Variants in AJAP1 observed in about 807,000 individuals in gnomAD.
AJAP1 encodes the protein adherens junction-associated protein 1.
AJAP1 carries 5 observed loss-of-function variants against 35.0 expected under a neutral mutation model. The observed-to-expected ratio is 0.14, with a 90% CI of 0.07 to 0.30. The LOEUF (loss-of-function observed/expected upper bound fraction) is 0.30, where lower values mean the gene tolerates loss of function less well. Ranked by LOEUF, AJAP1 falls within the 10% of genes least tolerant of loss-of-function variation. The pLI, the probability that AJAP1 is intolerant of heterozygous loss-of-function variation, is 1.00. For synonymous variants in AJAP1, 284 were observed against 249.3 expected, an observed-to-expected ratio of 1.14 and a Z score of -1.31; for missense variants, 586 against 571.0, an observed-to-expected ratio of 1.03 and a Z score of -0.27.
intron 2 of AJAP1, among the ~76,000 whole-genome samples, chr1:4,724,192 G>A (rs546248793): frequency 7.7e-4 from 117 of 152,296 alleles, no homozygotes; most frequent in African/African-American, 2.4e-3. Context: ...GGGCACCTGC[G>A]AATGCCAGGC....
intron 1 of AJAP1, among the ~76,000 whole-genome samples, chr1:4,704,102 C>G (rs1315196695): frequency 6.6e-6 from 1 of 151,960 alleles, no homozygotes; most frequent in Non-Finnish European, 1.5e-5. Context: ...ATAATTACCC[C>G]CTTACACTAG....
chr1:4,716,767 T>C (rs1640401850), intron 2 of AJAP1, among the ~76,000 whole-genome samples: 1 of 152,074 alleles, frequency 6.6e-6, no homozygotes, highest in African/African-American at 2.4e-5. Flanking sequence ...GTGATGATAG[T>C]GATGATGATG....
In AJAP1 at chr1:4,656,158, G is replaced by C. The variant is rs1638876753; in HGVS notation, c.29+704G>C. ...GCGCGCCCGGGGCTTGTCTGTGTCT[G>C]GGACTCCAGGGCCAGATGGAAGAGG... On this transcript the variant is annotated intron_variant, in intron 1 of 5. Transcript: ENST00000378191. This position sits in a 1 kb window ranked among gnomAD's most constrained non-coding sequence, Gnocchi z 5.7. Among the ~76,000 whole-genome samples the C allele has an allele frequency of 1.3e-5, 2 of 152,278 alleles. No individual in the cohort carries two copies. The highest frequency in any genetic ancestry group is 4.8e-5 in the African/African-American group (2 of 41,576).
intron 1 of AJAP1, among the ~76,000 whole-genome samples, chr1:4,659,331 T>G (rs995854894): frequency 1.3e-5 from 2 of 152,158 alleles, no homozygotes; most frequent in Non-Finnish European, 2.9e-5. Flanking sequence ...TTGAGAGGGT[T>G]TCTCCTGCCT....
At chr1:4,722,461 TC>T (rs1348867619) in intron 2 of AJAP1, among the ~76,000 whole-genome samples, 4 of 152,250 alleles carry the variant, frequency 2.6e-5, no homozygotes, top group Non-Finnish European at 5.9e-5. Flanking sequence ...AGCCTCGTCC[TC>T]TATGTTCACA....
chr1:4,737,379 C>T (rs564790237), intron 2 of AJAP1, among the ~76,000 whole-genome samples: 240 of 152,228 alleles, frequency 1.6e-3, no homozygotes, highest in Non-Finnish European at 2.9e-3. Context: ...ACTGATTACC[C>T]GGCAAGGATG....
chr1:4,687,851 G>A (rs919948688), intron 1 of AJAP1, among the ~76,000 whole-genome samples: 2 of 152,210 alleles, frequency 1.3e-5, no homozygotes, highest in African/African-American at 4.8e-5. Flanking sequence ...TCATCCGCCA[G>A]GCCTCTGTGT....
At chr1:4,670,212 C>T (rs560217212) in intron 1 of AJAP1, among the ~76,000 whole-genome samples, 132 of 152,248 alleles carry the variant, frequency 8.7e-4, no homozygotes, top group African/African-American at 2.9e-3. Context: ...TTGTTCACAG[C>T]GCTGGGCCTG....
chr1:4,767,839 G>A (rs915569467), intron 2 of AJAP1, among the ~76,000 whole-genome samples: 1 of 152,212 alleles, frequency 6.6e-6, no homozygotes, highest in Non-Finnish European at 1.5e-5. Context: ...TGGGCCAGAG[G>A]GAGTGTGTGG....
In AJAP1 at chr1:4,720,245, C is replaced by T. The variant is rs553319935; in HGVS notation, c.829+7546C>T. On this transcript the variant is annotated intron_variant, in intron 2 of 5. Transcript: ENST00000378191. This position sits in a 1 kb window ranked among gnomAD's most constrained non-coding sequence, Gnocchi z 4.4. ...GACATGAAGACAGGCTTCGGGTCCC[C>T]GCTTTCGATGTGGTTCAACATGGTT... Among the ~76,000 whole-genome samples, 9 of 152,308 alleles carry T rather than the reference C, an allele frequency of 5.9e-5. No homozygotes were observed. The South Asian group carries it at 1.9e-3, about 32-fold the overall frequency.
intron 1 of AJAP1, among the ~76,000 whole-genome samples, chr1:4,706,940 G>GC (rs958782831): frequency 6.6e-6 from 1 of 152,212 alleles, no homozygotes; most frequent in African/African-American, 2.4e-5. Context: ...CAGCTGGGGA[G>GC]CAGGGGGTGG....
intron 1 of AJAP1, among the ~76,000 whole-genome samples, chr1:4,675,956 C>T (rs999246177): frequency 2.0e-5 from 3 of 152,198 alleles, no homozygotes; most frequent in East Asian, 1.9e-4. Context: ...GGAGTCTGCT[C>T]GCCTTCCTGC....
intron 2 of AJAP1, among the ~76,000 whole-genome samples, chr1:4,732,669 C>T (rs1452449991): frequency 4.6e-5 from 7 of 152,266 alleles, no homozygotes; most frequent in African/African-American, 7.2e-5. Flanking sequence ...TTCACAGCAA[C>T]GCAGGAGTGA....
intron 2 of AJAP1, among the ~76,000 whole-genome samples, chr1:4,766,379 C>T (rs977734807): frequency 6.6e-6 from 1 of 152,210 alleles, no homozygotes; most frequent in Non-Finnish European, 1.5e-5. Context: ...CTTGGGGAGA[C>T]TAAATGATGG....
At position 4,677,170 on chromosome 1, in the gene AJAP1, A is replaced by C. The variant is rs1350443215; in HGVS notation, c.29+21716A>C. 2.6e-5 allele frequency among the ~76,000 whole-genome samples: 4 copies of C among 152,306 alleles called. No individual in the cohort carries two copies. The South Asian group carries it at 6.2e-4, about 24-fold the overall frequency. ...GAGAATCCGTCTCAAAAAATAAAAG[A>C]AAAGCAATGAACCCAAATGCCTCTA... On this transcript the variant is annotated intron_variant, in intron 1 of 5. Transcript: ENST00000378191.
chr1:4,757,829 C>G (rs143134484), intron 2 of AJAP1, among the ~76,000 whole-genome samples: 43 of 152,282 alleles, frequency 2.8e-4, no homozygotes, highest in African/African-American at 1.0e-3. Context: ...GAGTGCTTTT[C>G]TATAATATCT....
At chr1:4,769,743 A>G in intron 2 of AJAP1, 110 bp from the exon 3 acceptor site, 1 of 903,200 alleles carries the variant, frequency 1.1e-6, no homozygotes, top group Non-Finnish European at 1.8e-6. Flanking sequence ...TGCGGATGGG[A>G]CCTGGCATCC....
chr1:4,658,148 G>A (rs937099427), intron 1 of AJAP1, among the ~76,000 whole-genome samples: 3 of 152,140 alleles, frequency 2.0e-5, no homozygotes, highest in African/African-American at 7.2e-5. Flanking sequence ...TTCCTCAGGG[G>A]CTCCGAGCGT....
At chr1:4,729,859 C>T (rs1570165864) in intron 2 of AJAP1, among the ~76,000 whole-genome samples, 1 of 152,200 alleles carries the variant, frequency 6.6e-6, no homozygotes, top group African/African-American at 2.4e-5. Flanking sequence ...CCAGGATGAG[C>T]TCCTTAGTCA....
Sources: allele counts gnomAD v4.1 joint callset (sites outside exome capture counted in the v4.1 genomes callset), GRCh38; gene constraint gnomAD v4.1.1; non-coding constraint Gnocchi (gnomAD v3.1); transcripts MANE v1.5; gene names NCBI Gene and HGNC (gene_info 2026-07-23, HGNC 2026-07-21).